Variants in CTDSPL2 observed in about 807,000 individuals in gnomAD.
CTDSPL2 encodes CTD small phosphatase like 2.
CTDSPL2 carries 5 observed loss-of-function variants against 60.0 expected under a neutral mutation model. That is an observed-to-expected ratio of 0.08 (90% confidence interval 0.04 to 0.18). CTDSPL2 has a LOEUF of 0.18. Ranked by LOEUF, CTDSPL2 falls within the 10% of genes least tolerant of loss-of-function variation. The pLI is 1.00. For missense variants in CTDSPL2, 370 were observed against 548.8 expected (o/e 0.67, Z 3.26); for synonymous variants, 186 against 189.3 (o/e 0.98, Z 0.14).
At chr15:44,458,004 A>G (rs1433099223) in intron 1 of CTDSPL2, among the ~76,000 whole-genome samples, 1 of 152,196 alleles carries the variant, frequency 6.6e-6, no homozygotes. Flanking sequence ...AATCTTTGCC[A>G]GGAATTTCTG....
chr15:44,482,141 G>T (rs868354035), intron 2 of CTDSPL2, among the ~76,000 whole-genome samples: 2 of 152,006 alleles, frequency 1.3e-5, no homozygotes, highest in Non-Finnish European at 2.9e-5. Flanking sequence ...GTTATCTCTG[G>T]TGGTCCCAGT....
chr15:44,450,275 T>C (rs1477948631), intron 1 of CTDSPL2, among the ~76,000 whole-genome samples: 1 of 152,112 alleles, frequency 6.6e-6, no homozygotes, highest in Non-Finnish European at 1.5e-5. Context: ...TAAAAATAAA[T>C]TCTAATTTGG....
At chr15:44,485,968 C>G (rs2081111450) in intron 3 of CTDSPL2, among the ~76,000 whole-genome samples, 1 of 152,130 alleles carries the variant, frequency 6.6e-6, no homozygotes, top group African/African-American at 2.4e-5. Context: ...CTTTTATATT[C>G]TTAAAAGATC....
At chr15:44,453,624 G>A (rs1349993247) in intron 1 of CTDSPL2, among the ~76,000 whole-genome samples, 1 of 134,334 alleles carries the variant, frequency 7.4e-6, no homozygotes, top group Non-Finnish European at 1.5e-5. Flanking sequence ...CCCTTCCTGT[G>A]TCCATGTGTT....
At chr15:44,500,421 T>C (rs903005883) in intron 8 of CTDSPL2, among the ~76,000 whole-genome samples, 1 of 152,226 alleles carries the variant, frequency 6.6e-6, no homozygotes, top group African/African-American at 2.4e-5. Context: ...CCATAGTTTT[T>C]ACTTTAAGGT....
intron 4 of CTDSPL2, among the ~76,000 whole-genome samples, chr15:44,489,119 A>C (rs7169333): frequency 0.075 from 11,047 of 148,212 alleles, 840 homozygotes; most frequent in East Asian, 0.23. Context: ...CTCCACTCCC[A>C]CATCTGTCTC....
chr15:44,428,720 G>A (rs2079797650), intron 1 of CTDSPL2, among the ~76,000 whole-genome samples: 1 of 152,190 alleles, frequency 6.6e-6, no homozygotes, highest in Admixed American at 6.5e-5. Flanking sequence ...TTAGTGACTT[G>A]AAATGATGGA....
At chr15:44,462,345 A>G (rs1261039877) in intron 2 of CTDSPL2, among the ~76,000 whole-genome samples, 2 of 152,182 alleles carry the variant, frequency 1.3e-5, no homozygotes, top group African/African-American at 2.4e-5. Flanking sequence ...GCAGTCCCCA[A>G]CCGTTTTGGC....
chr15:44,428,703 A>T (rs1277681746), intron 1 of CTDSPL2, among the ~76,000 whole-genome samples: 2 of 152,226 alleles, frequency 1.3e-5, no homozygotes, highest in Non-Finnish European at 2.9e-5. Flanking sequence ...TTCAGTGGGT[A>T]TACAAATTAG....
chr15:44,504,357 AAAAG>A (rs1044014552), intron 8 of CTDSPL2, among the ~76,000 whole-genome samples: 2 of 152,208 alleles, frequency 1.3e-5, no homozygotes, highest in Non-Finnish European at 2.9e-5. Context: ...CTCAAAAAAG[AAAAG>A]AAAGAACAAG....
chr15:44,522,747 T>C (rs1320716690), intron 12 of CTDSPL2, among the ~76,000 whole-genome samples: 1 of 152,160 alleles, frequency 6.6e-6, no homozygotes, highest in Non-Finnish European at 1.5e-5. Flanking sequence ...AGTGAGACTT[T>C]GTCTCAAAAC....
chr15:44,427,729 A>T lies in CTDSPL2; in HGVS notation c.-68A>T. On this transcript the variant is annotated 5_prime_UTR_variant, in exon 1 of 13. Transcript: ENST00000260327. ...AGACACCACACATTGCGCAGTCGGG[A>T]CCATCGCCGGAGCCTGAGGACACTT... 2.5e-6 allele frequency: 1 copy of T among 399,262 alleles called. No homozygotes were observed. The highest frequency in any genetic ancestry group is 6.3e-4 in the Middle Eastern group (1 of 1,590). 24.7% of individuals were successfully genotyped at this position (399,262 alleles called of 1,614,324 possible).
chr15:44,443,645 T>C (rs903490530), intron 1 of CTDSPL2, among the ~76,000 whole-genome samples: 4 of 152,204 alleles, frequency 2.6e-5, no homozygotes, highest in Non-Finnish European at 5.9e-5. Flanking sequence ...TAATTAGCAT[T>C]TCCGTGATAA....
chr15:44,476,014 C>G (rs1306920836), intron 2 of CTDSPL2, among the ~76,000 whole-genome samples: 1 of 152,162 alleles, frequency 6.6e-6, no homozygotes, highest in South Asian at 2.1e-4. Flanking sequence ...GAAATCACAG[C>G]TCTTCTTACC....
chr15:44,523,994 AAT>A, intron 12 of CTDSPL2, 113 bp from the exon 13 acceptor site: 2 of 763,970 alleles, frequency 2.6e-6, no homozygotes, highest in Non-Finnish European at 4.4e-6. Context: ...TGGCAAATAA[AAT>A]ATGTCATAAA....
Position 44,527,715 on chromosome 15 carries a change from C to T in CTDSPL2, c.*3541C>T, listed in dbSNP as rs529393030. ...ATTAACTTAGTTAATAGTTACCCAC[C>T]GAATAACTATGCCAAGCAACTAGTA... is the stretch of plus-strand genomic sequence containing the variant. On this transcript the variant is annotated 3_prime_UTR_variant, in exon 13 of 13. Transcript: ENST00000260327. 1.3e-5 allele frequency: 2 copies of T among 152,184 alleles called. No individual in the cohort carries two copies. The highest frequency in any genetic ancestry group is 6.5e-5 in the Admixed American group (1 of 15,280). The allele number at this position is 152,184 out of a possible 1,614,324, so 9.4% of individuals were successfully genotyped here.
rs1055292423 is a variant in CTDSPL2 at position 44,526,976 on chromosome 15, T to C, written c.*2802T>C. On this transcript the variant is annotated 3_prime_UTR_variant, in exon 13 of 13. Coordinates refer to ENST00000260327, the MANE Select transcript of CTDSPL2 (RefSeq NM_016396.3). ...GACATTCTTTTAAATATTTGTATCA[T>C]TGTTAGGATGTTTTAATCAGTTGTT... 2.0e-5 allele frequency: 3 copies of C among 152,336 alleles called. No homozygotes were observed. Among genetic ancestry groups the C allele is most frequent in the African/African-American group, 7.2e-5 (3 of 41,452 alleles). The allele number at this position is 152,336 out of a possible 1,614,324, so 9.4% of individuals were successfully genotyped here. A position where few individuals can be genotyped will look rare whatever the true frequency, so the allele number is the denominator to read the frequency against.
At chr15:44,449,693 A>G (rs2080295078) in intron 1 of CTDSPL2, among the ~76,000 whole-genome samples, 1 of 152,136 alleles carries the variant, frequency 6.6e-6, no homozygotes, top group Non-Finnish European at 1.5e-5. Context: ...CATTTCTACT[A>G]AAAGTACAAA....
intron 1 of CTDSPL2, among the ~76,000 whole-genome samples, chr15:44,452,288 T>G (rs1453314334): frequency 6.6e-6 from 1 of 152,214 alleles, no homozygotes; most frequent in Non-Finnish European, 1.5e-5. Flanking sequence ...TTCTTTTTAA[T>G]GATGTTATTA....
Sources: gnomAD v4.1 joint callset for allele counts (sites outside exome capture counted in the v4.1 genomes callset) on GRCh38, gnomAD v4.1.1 for gene constraint, MANE v1.5 for transcripts, NCBI Gene and HGNC (gene_info 2026-07-23, HGNC 2026-07-21) for gene names.